ANO1: variants seen among roughly 807,000 people sequenced by gnomAD.
The protein encoded by ANO1 is anoctamin 1.
A neutral mutation model predicts 124.0 loss-of-function variants in ANO1; 59 were observed. The observed-to-expected ratio is 0.48, with a 90% CI of 0.39 to 0.59. The LOEUF (loss-of-function observed/expected upper bound fraction) is 0.59, where lower values mean the gene tolerates loss of function less well. Ranked by LOEUF, ANO1 falls within the 20% of genes least tolerant of loss-of-function variation. ANO1 has a pLI of 0.00. For synonymous variants in ANO1, 529 were observed against 532.0 expected (o/e 0.99, Z 0.08); for missense variants, 1,059 against 1,328.0 (o/e 0.80, Z 3.15).
intron 1 of ANO1, among the ~76,000 whole-genome samples, chr11:69,997,723 G>A (rs988410708): frequency 1.4e-4 from 22 of 152,184 alleles, no homozygotes; most frequent in African/African-American, 4.8e-4. Context: ...TCCCCTTAGC[G>A]ATAGTGATAG....
chr11:70,050,522 CT>C, intron 1 of ANO1, among the ~76,000 whole-genome samples: 1 of 152,292 alleles, frequency 6.6e-6, no homozygotes, highest in South Asian at 2.1e-4. Context: ...TGTGCTTTTC[CT>C]TTCCTTGTTG....
intron 2 of ANO1, among the ~76,000 whole-genome samples, chr11:70,093,307 C>T (rs1429287205): frequency 6.6e-6 from 1 of 150,694 alleles, no homozygotes; most frequent in Non-Finnish European, 1.5e-5. Context: ...TCTCTGTCTC[C>T]ATCTCTTTCC....
rs71926266 is a variant in ANO1, at chr11:70,010,179, G to GTATATATATATATATATATA, written c.58+24032_58+24033insATATATATATATATATATAT. On this transcript the variant is annotated intron_variant, in intron 1 of 27. Coordinates refer to the ANO1 transcript ENST00000531349. ...TGTGTGTGTGTGCGCGTGTGTGTGT[G>GTATATATATATATATATATA]TATATATATATATATATATCACATT... Among the ~76,000 whole-genome samples the GTATATATATATATATATATA allele has an allele frequency of 5.4e-4, 45 of 83,796 alleles. 1 individual carries two copies. The highest frequency in any genetic ancestry group is 0.01 in the Middle Eastern group (2 of 192). The allele number at this position is 83,796 out of a possible 152,430, so 55.0% of individuals were successfully genotyped here.
At chr11:70,173,477 G>A (rs377181549) in intron 22 of ANO1, among the ~76,000 whole-genome samples, 20 of 152,304 alleles carry the variant, frequency 1.3e-4, no homozygotes, top group African/African-American at 4.6e-4. Flanking sequence ...ACCCTCCGAA[G>A]ACCCTGCTAA....
upstream of ANO1, among the ~76,000 whole-genome samples, chr11:69,983,537 G>T (rs1204859258): frequency 6.6e-6 from 1 of 152,212 alleles, no homozygotes; most frequent in Non-Finnish European, 1.5e-5. Flanking sequence ...GCTTCAGAGG[G>T]TCTGCAGCGT....
intron 11 of ANO1, among the ~76,000 whole-genome samples, chr11:70,132,805 T>C (rs1404234001): frequency 6.6e-6 from 1 of 152,226 alleles, no homozygotes; most frequent in African/African-American, 2.4e-5. Context: ...TGTGCCAGCT[T>C]TGAGATGCCC....
At chr11:70,118,541 T>C (rs2046087970) in intron 8 of ANO1, among the ~76,000 whole-genome samples, 1 of 151,360 alleles carries the variant, frequency 6.6e-6, no homozygotes, top group Admixed American at 6.6e-5. Context: ...GAGATGGAGA[T>C]GGATAACTGA....
At chr11:70,001,325 C>T (rs1013117642) in intron 1 of ANO1, among the ~76,000 whole-genome samples, 1 of 152,174 alleles carries the variant, frequency 6.6e-6, no homozygotes, top group African/African-American at 2.4e-5. Context: ...GTACCAGACC[C>T]TTAAGTTCAA....
chr11:70,162,206 G>A (rs994416364), intron 18 of ANO1, among the ~76,000 whole-genome samples: 6 of 143,296 alleles, frequency 4.2e-5, no homozygotes, highest in Non-Finnish European at 7.6e-5. Context: ...TGCAGACCCC[G>A]GGCAGTGGGG....
chr11:70,178,132 C>T (rs1226455952), intron 22 of ANO1, among the ~76,000 whole-genome samples: 10 of 152,224 alleles, frequency 6.6e-5, no homozygotes, highest in Non-Finnish European at 2.9e-5. Context: ...AAGCTAGACC[C>T]AGAATCTACA....
At chr11:70,162,410 G>A (rs573553682) in intron 18 of ANO1, among the ~76,000 whole-genome samples, 4 of 152,276 alleles carry the variant, frequency 2.6e-5, no homozygotes, top group Admixed American at 1.3e-4. Context: ...GTGCTCCCAC[G>A]GCAGGTAGGG....
chr11:70,027,683 ACAGT>A (rs1856932486), intron 1 of ANO1, among the ~76,000 whole-genome samples: 2 of 152,168 alleles, frequency 1.3e-5, no homozygotes, highest in Admixed American at 6.5e-5. Context: ...GGAAATAGTG[ACAGT>A]CAGGTCTGGG....
At chr11:70,071,241 A>G (rs1857867113) in intron 1 of ANO1, among the ~76,000 whole-genome samples, 1 of 152,234 alleles carries the variant, frequency 6.6e-6, no homozygotes, top group Non-Finnish European at 1.5e-5. Flanking sequence ...TGTGCTGTAC[A>G]GAGAAAAAGC....
intron 8 of ANO1, among the ~76,000 whole-genome samples, chr11:70,119,540 A>T (rs1467897181): frequency 6.6e-6 from 1 of 150,572 alleles, no homozygotes; most frequent in Non-Finnish European, 1.5e-5. Flanking sequence ...GGATAAATGG[A>T]TGGATGGGTG....
intron 1 of ANO1, among the ~76,000 whole-genome samples, chr11:70,018,558 G>T (rs1215003350): frequency 6.6e-6 from 1 of 152,096 alleles, no homozygotes; most frequent in Non-Finnish European, 1.5e-5. Flanking sequence ...CAGTGTTTGG[G>T]ACCGTAGCTG....
rs1319349070 is a variant in ANO1, at chr11:70,182,705, C to T, written c.2588+19C>T. The T allele has an allele frequency of 1.3e-6, 2 of 1,494,644 alleles. No homozygotes were observed. Among genetic ancestry groups the T allele is most frequent in the African/African-American group, 1.4e-5 (1 of 70,466 alleles). 92.6% of individuals were successfully genotyped at this position (1,494,644 alleles called of 1,614,324 possible). On this transcript the variant is annotated intron_variant, in intron 24 of 25. Coordinates refer to ENST00000355303, the MANE Select transcript of ANO1 (RefSeq NM_018043.7). Reference sequence around the variant, plus strand: ...TCTGCAGGTACTGCTCTCTGCTCCCCTCTTTGAAAAGCCACGTTTATTGGG... The same window carrying T: ...TCTGCAGGTACTGCTCTCTGCTCCCTTCTTTGAAAAGCCACGTTTATTGGG...
intron 13 of ANO1, among the ~76,000 whole-genome samples, chr11:70,152,837 C>T (rs2047659915): frequency 6.6e-6 from 1 of 152,252 alleles, no homozygotes; most frequent in Non-Finnish European, 1.5e-5. Flanking sequence ...TTCGGTGGCC[C>T]TCCCAATGGG....
Position 70,103,171 on chromosome 11 carries a change from G to A in ANO1, c.540+7G>A, listed in dbSNP as rs762351089. Reference sequence around the variant, plus strand: ...GAAGATGCCGACGAAGAAGGTTGGTGTTGATGGTCCTGCTCCGAAATGAAT... The same window carrying A: ...GAAGATGCCGACGAAGAAGGTTGGTATTGATGGTCCTGCTCCGAAATGAAT... On this transcript the variant is annotated splice_region_variant and intron_variant, in intron 3 of 25. Coordinates refer to ENST00000355303, the MANE Select transcript of ANO1 (RefSeq NM_018043.7). 6.2e-7 allele frequency: 1 copy of A among 1,605,354 alleles called. No homozygotes were observed. The highest frequency in any genetic ancestry group is 1.1e-5 in the South Asian group (1 of 89,272).
intron 1 of ANO1, among the ~76,000 whole-genome samples, chr11:70,024,699 C>G (rs1856861748): frequency 6.6e-6 from 1 of 152,238 alleles, no homozygotes; most frequent in Admixed American, 6.5e-5. Flanking sequence ...GCCACCACCA[C>G]CACTCTCAGC....
Sources: gnomAD v4.1 joint callset for allele counts (sites outside exome capture counted in the v4.1 genomes callset) on GRCh38, gnomAD v4.1.1 for gene constraint, MANE v1.5 for transcripts, NCBI Gene and HGNC (gene_info 2026-07-23, HGNC 2026-07-21) for gene names.